PRDM1: variants seen among roughly 807,000 people sequenced by gnomAD.
PRDM1 encodes the protein PR/SET domain 1.
Under a neutral mutation model 62.8 loss-of-function variants are expected in PRDM1, and 13 were observed. The ratio of observed to expected loss-of-function variants is 0.21; its 90% CI spans 0.13 to 0.33. The LOEUF (loss-of-function observed/expected upper bound fraction) is 0.33. PRDM1 is among the 10% of genes least tolerant of loss of function. The pLI, the probability that PRDM1 is intolerant of heterozygous loss-of-function variation, is 1.00. For missense variants in PRDM1, 895 were observed against 1,058.8 expected (o/e 0.85, Z 2.15); for synonymous variants, 396 against 417.6 (o/e 0.95, Z 0.63).
rs185822352 is a variant in PRDM1, at chr6:106,098,405, G to T, written c.412-895G>T. The stretch of plus-strand genomic sequence containing the variant: ...GTAGCCTGAGTGCATCTGTTATCCA[G>T]AAGTAGTATTACTCTAGGACAAACT... On this transcript the variant is annotated intron_variant, in intron 3 of 6. Coordinates refer to ENST00000369096, the MANE Select transcript of PRDM1 (RefSeq NM_001198.4). 1.2e-5 allele frequency: 12 copies of T among 985,298 alleles called. No individual in the cohort carries two copies. The East Asian group carries it at 1.1e-3, about 93-fold the overall frequency. The allele number at this position is 985,298 out of a possible 1,614,324, so 61.0% of individuals were successfully genotyped here.
At chr6:106,088,056 G>A in intron 1 of PRDM1, 145 bp from the exon 2 acceptor site, 1 of 825,210 alleles carries the variant, frequency 1.2e-6, no homozygotes, top group African/African-American at 1.8e-5. Flanking sequence ...TACTTTATAC[G>A]GCTTCTTGGC....
In PRDM1 at chr6:106,105,464, A is replaced by T. The variant is rs779633435; in HGVS notation, c.1304A>T (p.Asn435Ile). The change falls in exon 5 of 7, where the codon AAC (asparagine) becomes ATC (isoleucine). Residue 435 changes from asparagine to isoleucine, a missense_variant. By Grantham distance (149) the Asn-to-Ile change is moderately radical. Around this residue, in one of 4 missense-constraint regions of PRDM1, gnomAD observed 444 missense variants for 422.7 expected, o/e 1.05. Transcript: ENST00000369096. ...GCTGTGAGCAGCATGAATGGCATCA[A>T]CAACTTTGGCCTCTTCCCGAGGCTG... is the stretch of plus-strand genomic sequence containing the variant. Reference protein sequence around the residue: ...LSAVSSMNGINNFGLFPRLCP... With the variant: ...LSAVSSMNGIINFGLFPRLCP... 5 of 1,614,088 alleles carry T rather than the reference A, an allele frequency of 3.1e-6. No homozygotes were observed. The South Asian group carries it at 4.4e-5, about 14-fold the overall frequency.
At chr6:106,053,827 C>A (rs1300591217) in intron 1 of PRDM1, among the ~76,000 whole-genome samples, 3 of 150,814 alleles carry the variant, frequency 2.0e-5, no homozygotes, top group African/African-American at 4.9e-5. Context: ...CACCACCCCC[C>A]AGCCCTCCAC....
intron 1 of PRDM1, among the ~76,000 whole-genome samples, chr6:106,007,775 G>A (rs1456006767): frequency 6.6e-6 from 1 of 152,018 alleles, no homozygotes; most frequent in Non-Finnish European, 1.5e-5. Context: ...GCATTGCACT[G>A]GTAGCCTTCT....
chr6:106,103,933 T>G (rs1774352994), intron 4 of PRDM1, among the ~76,000 whole-genome samples: 1 of 152,214 alleles, frequency 6.6e-6, no homozygotes. Context: ...GGTGAAGTGC[T>G]TAGGCTGTCT....
At chr6:106,057,118 C>T (rs958972351) in intron 1 of PRDM1, among the ~76,000 whole-genome samples, 6 of 152,148 alleles carry the variant, frequency 3.9e-5, no homozygotes, top group Non-Finnish European at 8.8e-5. Context: ...AAGGGACTTT[C>T]ACAACATAAG....
chr6:106,009,952 A>C (rs1772526551), intron 1 of PRDM1, among the ~76,000 whole-genome samples: 1 of 152,138 alleles, frequency 6.6e-6, no homozygotes, highest in African/African-American at 2.4e-5. Flanking sequence ...TCTTAACCTC[A>C]AGTGATCCAC....
Position 106,107,308 on chromosome 6 carries a change from A to G in PRDM1, c.2300A>G (p.Lys767Arg). Reference protein sequence around the residue: ...KEILAVVRKEKEETGLKVSLQ... With the variant: ...KEILAVVRKEREETGLKVSLQ... ...ATTCTGGCCGTGGTCAGAAAAGAGA[A>G]AGAAGAAACTGGCCTGAAAGTGTCT... Residue 767 changes from lysine to arginine, a missense_variant, in exon 7 of 7, where the codon AAA (lysine) becomes AGA (arginine). Physicochemically the swap from Lys to Arg is conservative, Grantham distance 26. Coordinates refer to ENST00000369096, the MANE Select transcript of PRDM1 (RefSeq NM_001198.4). 6.2e-7 allele frequency: 1 copy of G among 1,614,110 alleles called. No individual in the cohort carries two copies.
intron 2 of PRDM1, among the ~76,000 whole-genome samples, chr6:106,094,913 ACACAC>A (rs1774054518): frequency 7.8e-6 from 1 of 128,418 alleles, no homozygotes; most frequent in Non-Finnish European, 1.9e-5. Flanking sequence ...TAAAACACAC[ACACAC>A]ACACACACAC....
At position 106,109,670 on chromosome 6, in the gene PRDM1, C is replaced by T. The variant is rs1774632500; in HGVS notation, c.*2184C>T. ...CGTTTGTTCTTTTTCTCCTTTTGTG[C>T]TTTCCCATAGTGAGAATTTTTATAA... On this transcript the variant is annotated 3_prime_UTR_variant, in exon 7 of 7. Coordinates refer to ENST00000369096, the MANE Select transcript of PRDM1 (RefSeq NM_001198.4). 1 of 233,302 alleles carries T rather than the reference C, an allele frequency of 4.3e-6. No individual in the cohort carries two copies. Among genetic ancestry groups the T allele is most frequent in the Non-Finnish European group, 8.5e-6 (1 of 117,760 alleles). 14.5% of individuals were successfully genotyped at this position (233,302 alleles called of 1,614,324 possible).
chr6:106,082,744 TC>T (rs1562162346), upstream of PRDM1, among the ~76,000 whole-genome samples: 1 of 152,196 alleles, frequency 6.6e-6, no homozygotes, highest in African/African-American at 2.4e-5. Context: ...TTCCAAAACA[TC>T]CAACAGCCCC....
Position 106,106,283 on chromosome 6 carries a change from T to C in PRDM1, c.1774-88T>C. 2.0e-6 allele frequency: 3 copies of C among 1,512,322 alleles called. No homozygotes were observed. The highest frequency in any genetic ancestry group is 9.0e-7 in the Non-Finnish European group (1 of 1,110,306). 93.7% of individuals were successfully genotyped at this position (1,512,322 alleles called of 1,614,324 possible). ...CTGTCTTGATGCTTTTCTTAAGATATTTGCATCAACACTTGAGTCTTGGAG... is the reference window on the plus strand; with the variant it reads ...CTGTCTTGATGCTTTTCTTAAGATACTTGCATCAACACTTGAGTCTTGGAG... On this transcript the variant is annotated intron_variant, in intron 5 of 6. Coordinates refer to ENST00000369096, the MANE Select transcript of PRDM1 (RefSeq NM_001198.4). This position sits in a 1 kb window ranked among gnomAD's most constrained non-coding sequence, Gnocchi z 4.4.
chr6:106,087,694 T>A, intron 1 of PRDM1: 2 of 232,656 alleles, frequency 8.6e-6, no homozygotes, highest in Non-Finnish European at 1.7e-5. Context: ...GTCTTCCCCA[T>A]TTGGAAAAGG....
rs1772317883 is a variant in PRDM1, at chr6:105,994,166, G to T, written c.-67+527G>T. Among the ~76,000 whole-genome samples the T allele has an allele frequency of 6.6e-6, 1 of 151,880 alleles. No individual in the cohort carries two copies. Among genetic ancestry groups the T allele is most frequent in the Admixed American group, 6.5e-5 (1 of 15,272 alleles). ...GCCCGCGCTGCTGGGCTGGGCTCGG[G>T]TGCCGCGCTGGGGACGCCGCATCTA... On this transcript the variant is annotated intron_variant, in intron 1 of 6. Coordinates refer to the PRDM1 transcript ENST00000652320. The surrounding 1 kb of genome is among the most constrained non-coding windows in gnomAD (Gnocchi z 4.1).
intron 1 of PRDM1, among the ~76,000 whole-genome samples, chr6:106,040,666 G>C (rs1772980684): frequency 6.6e-6 from 1 of 152,120 alleles, no homozygotes; most frequent in African/African-American, 2.4e-5. Flanking sequence ...TTTCTTGTTT[G>C]TTAAAATTAC....
intron 1 of PRDM1, among the ~76,000 whole-genome samples, chr6:106,042,417 C>T (rs1773012686): frequency 6.6e-6 from 1 of 151,546 alleles, no homozygotes; most frequent in Non-Finnish European, 1.5e-5. Flanking sequence ...ATCCCAGCTA[C>T]TCGGGAGGCT....
At chr6:106,051,278 G>A (rs1420250978) in intron 1 of PRDM1, among the ~76,000 whole-genome samples, 1 of 152,182 alleles carries the variant, frequency 6.6e-6, no homozygotes, top group Non-Finnish European at 1.5e-5. Context: ...CTTTGAGTTG[G>A]ACCTGGCTCC....
In PRDM1 at chr6:106,105,140, C is replaced by T. The variant is rs2114652748; in HGVS notation, c.980C>T (p.Ser327Phe). The change falls in exon 5 of 7, where the codon TCC (serine) becomes TTC (phenylalanine). Residue 327 changes from serine (S) to phenylalanine (F), a missense_variant. This residue lies in a region of PRDM1 where 444 missense variants were observed against 422.7 expected (regional missense o/e 1.05). Coordinates refer to ENST00000369096, the MANE Select transcript of PRDM1 (RefSeq NM_001198.4). ...GIERPTYITR[S>F]PIPSSTTPSP... ...GAGAGACCCACGTACATCACTCGCTCCCCCATTCCATCCTCCACCACTCCA... is the reference window on the plus strand; with the variant it reads ...GAGAGACCCACGTACATCACTCGCTTCCCCATTCCATCCTCCACCACTCCA... 1.2e-6 allele frequency: 2 copies of T among 1,613,294 alleles called. No homozygotes were observed. Among genetic ancestry groups the T allele is most frequent in the Non-Finnish European group, 1.7e-6 (2 of 1,179,658 alleles).
chr6:105,995,536 C>T (rs1691379205), intron 1 of PRDM1, among the ~76,000 whole-genome samples: 2 of 151,516 alleles, frequency 1.3e-5, no homozygotes, highest in South Asian at 2.1e-4. Flanking sequence ...TTAAGTAAAA[C>T]CTTCAGCTGT....
Sources: allele counts gnomAD v4.1 joint callset (sites outside exome capture counted in the v4.1 genomes callset), GRCh38; gene constraint gnomAD v4.1.1; regional missense constraint gnomAD v4.1.1; non-coding constraint Gnocchi (gnomAD v3.1); transcripts MANE v1.5; gene names NCBI Gene and HGNC (gene_info 2026-07-23, HGNC 2026-07-21).